Variants in DYSF observed in about 807,000 individuals in gnomAD.
DYSF encodes dystrophy-associated fer-1-like 1.
Under a neutral mutation model 274.9 loss-of-function variants are expected in DYSF, and 212 were observed. The ratio of observed to expected loss-of-function variants is 0.77; its 90% CI spans 0.69 to 0.86. The LOEUF is 0.86. DYSF is among the 40% of genes least tolerant of loss of function. The pLI is 0.00. For synonymous variants in DYSF, 1,091 were observed against 1,078.7 expected (o/e 1.01, Z -0.22); for missense variants, 2,666 against 2,783.2 (o/e 0.96, Z 0.95).
At chr2:71,673,645 C>G (rs1047469715) in intron 51 of DYSF, among the ~76,000 whole-genome samples, 6 of 152,086 alleles carry the variant, frequency 3.9e-5, no homozygotes, top group Admixed American at 6.5e-5. Flanking sequence ...ATGCCAGGTA[C>G]AGAGCAAGGT....
intron 43 of DYSF, among the ~76,000 whole-genome samples, chr2:71,657,264 C>G (rs1456808699): frequency 6.6e-6 from 1 of 152,220 alleles, no homozygotes; most frequent in Non-Finnish European, 1.5e-5. Flanking sequence ...GGTCTCACAT[C>G]TAGGTCATGC....
chr2:71,544,459 CTT>C (rs10656285), intron 17 of DYSF, among the ~76,000 whole-genome samples: 17 of 129,014 alleles, frequency 1.3e-4, no homozygotes, highest in African/African-American at 2.1e-4. Context: ...TAAAAATGTT[CTT>C]TTTTTTTTTT....
chr2:71,669,644 C>T lies in DYSF; in HGVS notation c.5682C>T (p.Asp1894=), dbSNP rs780040380. The T allele has an allele frequency of 2.7e-5, 44 of 1,614,048 alleles. No homozygotes were observed. The East Asian group carries it at 3.3e-4, about 12-fold the overall frequency. ...TTGAAGAACACAAGCAAAAGACAGA[C>T]GTGCATTATCGTTCCCTGGGAGGTG... is the stretch of plus-strand genomic sequence containing the variant. The part of the protein sequence containing the change: ...IGFEEHKQKT[D]VHYRSLGGEG... The change falls in exon 51 of 56, where the codon GAC becomes GAT. Residue 1894 remains aspartate (D), a synonymous_variant. Transcript: ENST00000410020.
intron 17 of DYSF, among the ~76,000 whole-genome samples, chr2:71,542,663 C>T (rs1036901657): frequency 2.6e-5 from 4 of 152,140 alleles, no homozygotes; most frequent in Non-Finnish European, 5.9e-5. Context: ...GGACACAGCA[C>T]ATGTTTCAGA....
Position 71,665,177 on chromosome 2 carries a change from G to A in DYSF, c.5190G>A (p.Gln1730=), listed in dbSNP as rs2152951711. 1.9e-6 allele frequency: 3 copies of A among 1,613,800 alleles called. No homozygotes were observed. The highest frequency in any genetic ancestry group is 2.5e-6 in the Non-Finnish European group (3 of 1,180,026). ...TGCTCCTCAGCTCTGGACCGAACCA[G>A]TGGCGGGACCAGCTCCGCCCCTCCC... is the stretch of plus-strand genomic sequence containing the variant. ...PQTYCVSGPN[Q]WRDQLRPSQL... is the part of the protein sequence containing the mutation. Residue 1730 remains glutamine, a synonymous_variant, in exon 47 of 56, where the codon CAG becomes CAA. Coordinates refer to ENST00000410020, the MANE Select transcript of DYSF (RefSeq NM_001130987.2).
intron 4 of DYSF, among the ~76,000 whole-genome samples, chr2:71,510,234 T>TC (rs972527791): frequency 6.6e-6 from 1 of 152,192 alleles, no homozygotes; most frequent in African/African-American, 2.4e-5. Context: ...TGGAAGAAAG[T>TC]CCCAGGACAG....
At chr2:71,631,266 T>C (rs2094308135) in intron 41 of DYSF, among the ~76,000 whole-genome samples, 1 of 152,226 alleles carries the variant, frequency 6.6e-6, no homozygotes, top group African/African-American at 2.4e-5. Flanking sequence ...ATTTTAACTT[T>C]AATAACATTC....
chr2:71,527,971 C>G (rs537183722), intron 13 of DYSF, among the ~76,000 whole-genome samples: 1 of 152,210 alleles, frequency 6.6e-6, no homozygotes, highest in Non-Finnish European at 1.5e-5. Context: ...TAACAACTGC[C>G]AGTCCTTTTC....
intron 3 of DYSF, among the ~76,000 whole-genome samples, chr2:71,486,674 A>G (rs1321483820): frequency 6.6e-6 from 1 of 152,176 alleles, no homozygotes; most frequent in Non-Finnish European, 1.5e-5. Flanking sequence ...CCATTAACCC[A>G]TGAGAGGGGC....
chr2:71,577,695 C>G (rs113817325), intron 30 of DYSF, among the ~76,000 whole-genome samples: 2 of 151,986 alleles, frequency 1.3e-5, no homozygotes, highest in South Asian at 4.1e-4. Flanking sequence ...CACACTCACA[C>G]TCCCCCTCCA....
intron 41 of DYSF, among the ~76,000 whole-genome samples, chr2:71,622,130 G>GTTTTTTT (rs74263952): frequency 1.0e-3 from 101 of 96,948 alleles, no homozygotes; most frequent in South Asian, 2.1e-3. Flanking sequence ...TGATTTCTTT[G>GTTTTTTT]TTTTTTTTTT....
intron 41 of DYSF, 90 bp downstream of exon 41, chr2:71,620,699 G>A: frequency 7.5e-7 from 1 of 1,335,214 alleles, no homozygotes. Flanking sequence ...AGGGGAGAGT[G>A]GGAGGGAAGA....
In DYSF at chr2:71,660,618, A is replaced by G. The variant is rs759505768; in HGVS notation, c.4970A>G (p.Tyr1657Cys). Residue 1657 changes from tyrosine to cysteine, a missense_variant, in exon 45 of 56, where the codon TAC becomes TGC. Physicochemically the swap from Tyr to Cys is radical, Grantham distance 194. Coordinates refer to ENST00000410020, the MANE Select transcript of DYSF (RefSeq NM_001130987.2). ...AAATCAGTGAGTGACCAGGATAACT[A>G]CATCCCCTGCACGCTGGAGCCCGTA... Reference protein sequence around the residue: ...GKKSVSDQDNYIPCTLEPVFG... With the variant: ...GKKSVSDQDNCIPCTLEPVFG... 6.8e-6 allele frequency: 11 copies of G among 1,614,138 alleles called. 1 individual carries two copies. In the East Asian group the frequency reaches 1.1e-4, roughly 16 times the overall value.
chr2:71,565,698 T>C (rs549754409), intron 24 of DYSF, among the ~76,000 whole-genome samples: 1 of 152,228 alleles, frequency 6.6e-6, no homozygotes, highest in Non-Finnish European at 1.5e-5. Context: ...ATGCCAGGGC[T>C]GGTTGGAGCT....
chr2:71,519,092 C>CAAAAAAAAAAAAAAA (rs70959240), intron 10 of DYSF, among the ~76,000 whole-genome samples: 1 of 59,726 alleles, frequency 1.7e-5, no homozygotes, highest in African/African-American at 6.4e-5. Context: ...CACTCCATCT[C>CAAAAAAAAAAAAAAA]AAAAAAAAAA....
chr2:71,541,872 G>C (rs2089959074), intron 17 of DYSF, among the ~76,000 whole-genome samples: 1 of 151,968 alleles, frequency 6.6e-6, no homozygotes, highest in South Asian at 2.1e-4. Context: ...CTGCTCATAG[G>C]AATTTATCTT....
chr2:71,617,897 GTGTT>G (rs2093940922), intron 40 of DYSF, among the ~76,000 whole-genome samples: 1 of 111,326 alleles, frequency 9.0e-6, no homozygotes, highest in Non-Finnish European at 1.9e-5. Context: ...TGGTAGAGGT[GTGTT>G]TGTGGTAGAG....
At position 71,686,692 on chromosome 2, in the gene DYSF, T is replaced by A; in HGVS notation, c.*200T>A. On this transcript the variant is annotated 3_prime_UTR_variant, in exon 56 of 56. Transcript: ENST00000410020. ...CTGAGATCACCCCACTTCCATCATTTCCTTCTCCCCCAACCCAACGCTTTT... is the reference window on the plus strand; with the variant it reads ...CTGAGATCACCCCACTTCCATCATTACCTTCTCCCCCAACCCAACGCTTTT... 1.5e-6 allele frequency: 1 copy of A among 654,182 alleles called. No homozygotes were observed. The highest frequency in any genetic ancestry group is 2.7e-6 in the Non-Finnish European group (1 of 365,062). The allele number at this position is 654,182 out of a possible 1,614,324, so 40.5% of individuals were successfully genotyped here.
chr2:71,481,847 A>T, intron 2 of DYSF, 32 bp from the exon 3 acceptor site: 2 of 1,578,580 alleles, frequency 1.3e-6, no homozygotes, highest in Non-Finnish European at 1.7e-6. Flanking sequence ...AGAGGGCCAT[A>T]GGTTAAGATG....
Sources: allele counts gnomAD v4.1 joint callset (sites outside exome capture counted in the v4.1 genomes callset), GRCh38; gene constraint gnomAD v4.1.1; transcripts MANE v1.5; gene names NCBI Gene and HGNC (gene_info 2026-07-23, HGNC 2026-07-21).